The following PNKP variants were observed in gnomAD, a reference collection of about 807,000 sequenced individuals.
PNKP encodes the protein bifunctional polynucleotide phosphatase/kinase.
PNKP carries 82 observed loss-of-function variants against 66.2 expected under a neutral mutation model. The observed-to-expected ratio is 1.24, with a 90% CI of 1.04 to 1.49. PNKP has a LOEUF of 1.49. Among genes scored for constraint, PNKP ranks in the 40% most tolerant of loss-of-function variants. The probability of loss-of-function intolerance (pLI) is 0.00; values close to 1 mark genes in which losing one functional copy is unlikely to be tolerated. For synonymous variants in PNKP, 412 were observed against 298.9 expected (o/e 1.38, Z -3.90); for missense variants, 907 against 706.8 (o/e 1.28, Z -3.21).
intron 6 of PNKP, 42 bp downstream of exon 6, chr19:49,864,137 C>T (rs368556374): frequency 2.4e-5 from 38 of 1,611,978 alleles, no homozygotes; most frequent in Admixed American, 8.3e-5. Context: ...GCGGTCGGAC[C>T]GCCACGTGCA....
At position 49,867,168 on chromosome 19, in the gene PNKP, C is replaced by A; in HGVS notation, c.37G>T (p.Glu13Ter). 2 of 1,575,426 alleles carry A rather than the reference C, an allele frequency of 1.3e-6. No homozygotes were observed. Among genetic ancestry groups the A allele is most frequent in the Non-Finnish European group, 1.7e-6 (2 of 1,165,784 alleles). ...GGGGGCGCTCCCCCAGGGGGGCTCT[C>A]GAGCCACAAGCGGCCCGGGGCCTCC... ...EVEAPGRLWL[E>*]SPPGGAPPIF... The change falls in exon 2 of 17, where the codon GAG becomes TAG. Residue 13 changes from glutamate (E) to a stop codon, truncating the protein, a stop_gained. Transcript: ENST00000322344. LOFTEE classifies it high-confidence loss of function.
chr19:49,867,415 T>C, intron 1 of PNKP, 54 bp downstream of exon 1: 1 of 612,982 alleles, frequency 1.6e-6, no homozygotes, highest in South Asian at 1.9e-5. Flanking sequence ...ATCCCCACTT[T>C]CCAGCGTACA....
At chr19:49,863,549 A>G in intron 8 of PNKP, 140 bp downstream of exon 8, 1 of 677,152 alleles carries the variant, frequency 1.5e-6, no homozygotes, top group South Asian at 1.6e-5. Context: ...ACCAACATCT[A>G]AGATGTCACA....
rs1477525034 is a variant in PNKP, at chr19:49,861,841, TCA to T, written c.1227_1228del (p.Cys409Ter). 6.3e-7 allele frequency: 1 copy of T among 1,592,794 alleles called. No homozygotes were observed. The highest frequency in any genetic ancestry group is 1.1e-5 in the South Asian group (1 of 88,958). ...CCGTTTCCCTTGCTTCAGGGCTGTC[TCA>T]CACGTGGTCACACAGCGCTGCCAGG... On this transcript the variant is annotated stop_gained and frameshift_variant, in exon 14 of 17. Transcript: ENST00000322344. LOFTEE classifies it high-confidence loss of function.
rs60279874 is a variant in PNKP at position 49,861,332 on chromosome 19, G to T, written c.1482C>A (p.Gly494=). The T allele has an allele frequency of 2.5e-6, 4 of 1,614,172 alleles. No individual in the cohort carries two copies. Among genetic ancestry groups the T allele is most frequent in the Non-Finnish European group, 3.4e-6 (4 of 1,180,004 alleles). ...KQFEAPTLAE[G]FSAILEIPFR... Reference sequence around the variant, plus strand: ...ACGGGATCTCCAGGATGGCAGAGAAGCCTTCAGCCAGCGTTGGGGCCTCGA... The same window carrying T: ...ACGGGATCTCCAGGATGGCAGAGAATCCTTCAGCCAGCGTTGGGGCCTCGA... The change falls in exon 17 of 17, where the codon GGC becomes GGA. Residue 494 remains glycine (G), a synonymous_variant. Transcript: ENST00000322344.
rs964341783 is a variant in PNKP at position 49,861,754 on chromosome 19, G to A, written c.1298+18C>T. ...CCCACCCCGCCGCAGGCCACCTACG[G>A]CCCCGCGGTCACGCTACCTGGCGCG... On this transcript the variant is annotated intron_variant, in intron 14 of 16. Coordinates refer to ENST00000322344, the MANE Select transcript of PNKP (RefSeq NM_007254.4). The A allele has an allele frequency of 3.3e-5, 52 of 1,559,286 alleles. No homozygotes were observed. Among genetic ancestry groups the A allele is most frequent in the Non-Finnish European group, 4.3e-5 (49 of 1,152,624 alleles).
rs1278449939 is a variant in PNKP at position 49,867,191 on chromosome 19, T to C, written c.14A>G (p.Glu5Gly). The change falls in exon 2 of 17, where the codon GAG becomes GGG. Residue 5 changes from glutamate (E) to glycine (G), a missense_variant. By Grantham distance (98) the Glu-to-Gly change is moderately conservative. Coordinates refer to ENST00000322344, the MANE Select transcript of PNKP (RefSeq NM_007254.4). ...CTCGAGCCACAAGCGGCCCGGGGCC[T>C]CCACCTCGCCCATCCTGGGTGCCGG... is the stretch of plus-strand genomic sequence containing the variant. MGEV[E>G]APGRLWLESP... 5 of 1,611,180 alleles carry C rather than the reference T, an allele frequency of 3.1e-6. No homozygotes were observed. Among genetic ancestry groups the C allele is most frequent in the Middle Eastern group, 1.7e-4 (1 of 5,906 alleles).
At chr19:49,866,708 G>A (rs2074823293) in intron 2 of PNKP, 4 of 610,292 alleles carry the variant, frequency 6.6e-6, no homozygotes, top group South Asian at 5.7e-5. Flanking sequence ...ATATAGGTCC[G>A]GGGCTTGGCC....
chr19:49,866,765 A>T, intron 2 of PNKP: 2 of 593,098 alleles, frequency 3.4e-6, no homozygotes, highest in East Asian at 5.6e-5. Flanking sequence ...TCTCCACAGG[A>T]TCATTTTTCT....
rs2074758426 is a variant in PNKP, at chr19:49,861,498, T to A, written c.1399A>T (p.Thr467Ser). 1.2e-6 allele frequency: 2 copies of A among 1,600,586 alleles called. No homozygotes were observed. The highest frequency in any genetic ancestry group is 1.7e-6 in the Non-Finnish European group (2 of 1,172,918). ...ARHNNRFREMTDSSHIPVSDM... is the reference protein window; with the variant it reads ...ARHNNRFREMSDSSHIPVSDM... Reference sequence around the variant, plus strand: ...GACACGGGGATATGAGAGGAGTCCGTCATCTCTCGAAACTGTGGGGAACAT... The same window carrying A: ...GACACGGGGATATGAGAGGAGTCCGACATCTCTCGAAACTGTGGGGAACAT... The change falls in exon 16 of 17, where the codon ACG becomes TCG. Residue 467 changes from threonine (T) to serine (S), a missense_variant. Transcript: ENST00000322344.
Position 49,861,384 on chromosome 19 carries a change from G to T in PNKP, c.1449-19C>A, listed in dbSNP as rs772322533. On this transcript the variant is annotated intron_variant, in intron 16 of 16. Transcript: ENST00000322344. The stretch of plus-strand genomic sequence containing the variant: ...CTGCTTCCTGGCAGTGGTGGGAACA[G>T]TGAGGGACAGCCTGGATCATGTGGC... 4.8e-5 allele frequency: 78 copies of T among 1,613,806 alleles called. No individual in the cohort carries two copies. In the Admixed American group the frequency reaches 5.2e-4, roughly 11 times the overall value.
chr19:49,863,344 C>G (rs1305135106), intron 8 of PNKP, among the ~76,000 whole-genome samples: 1 of 152,242 alleles, frequency 6.6e-6, no homozygotes, highest in Non-Finnish European at 1.5e-5. Context: ...TTTTACACGC[C>G]AGTCTGCCCA....
Position 49,861,265 on chromosome 19 carries a change from G to A in PNKP, c.1549C>T (p.Gln517Ter), listed in dbSNP as rs774995635. The A allele has an allele frequency of 2.8e-5, 45 of 1,608,076 alleles. 1 individual carries two copies. The Admixed American group carries it at 7.2e-4, about 26-fold the overall frequency. The change falls in exon 17 of 17, where the codon CAG (glutamine) becomes TAG (stop). Residue 517 changes from glutamine (Q) to a stop codon, truncating the protein, a stop_gained. Transcript: ENST00000322344. LOFTEE classifies it high-confidence loss of function. ...VEPRLGRLYCQFSEG is the reference protein window; with the variant it reads ...VEPRLGRLYC ...GGCGGGGCTCAGCCCTCGGAGAACT[G>A]GCAGTACAGCCGCCCCAGCCTCGGC...
Position 49,865,136 on chromosome 19 carries a change from G to T in PNKP, c.489C>A (p.Pro163=), listed in dbSNP as rs1476235525. Residue 163 remains proline, a synonymous_variant, in exon 4 of 17, where the codon CCC becomes CCA. Coordinates refer to ENST00000322344, the MANE Select transcript of PNKP (RefSeq NM_007254.4). The part of the protein sequence containing the change: ...LLVFTAAGVK[P]QGKVAGFDLD... ...TCGGCGTGGCCCTCACCTTGCCCTG[G>T]GGTTTCACCCCAGCTGCGGTGAACA... 1 of 1,613,718 alleles carries T rather than the reference G, an allele frequency of 6.2e-7. No individual in the cohort carries two copies. The highest frequency in any genetic ancestry group is 8.5e-7 in the Non-Finnish European group (1 of 1,179,916).
Position 49,864,076 on chromosome 19 carries a change from G to A in PNKP, c.637-5C>T. The stretch of plus-strand genomic sequence containing the variant: ...CTGGTTGGTGAAGATCACCAGCTGG[G>A]GAGCAAAGGGTGTCACCAGACGCTC... On this transcript the variant is annotated splice_region_variant and splice_polypyrimidine_tract_variant and intron_variant, in intron 6 of 16. Coordinates refer to ENST00000322344, the MANE Select transcript of PNKP (RefSeq NM_007254.4). The A allele has an allele frequency of 6.2e-7, 1 of 1,613,266 alleles. No individual in the cohort carries two copies. The highest frequency in any genetic ancestry group is 8.5e-7 in the Non-Finnish European group (1 of 1,179,424).
Position 49,861,292 on chromosome 19 carries a change from C to G in PNKP, c.1522G>C (p.Glu508Gln). 1 of 1,613,942 alleles carries G rather than the reference C, an allele frequency of 6.2e-7. No individual in the cohort carries two copies. The highest frequency in any genetic ancestry group is 1.1e-5 in the South Asian group (1 of 91,080). ...CAGTACAGCCGCCCCAGCCTCGGCTCCACCCATAGCCGGAACGGGATCTCC... is the reference window on the plus strand; with the variant it reads ...CAGTACAGCCGCCCCAGCCTCGGCTGCACCCATAGCCGGAACGGGATCTCC... ...ILEIPFRLWV[E>Q]PRLGRLYCQF... The change falls in exon 17 of 17, where the codon GAG becomes CAG. Residue 508 changes from glutamate (E) to glutamine (Q), a missense_variant. Physicochemically the swap from Glu to Gln is conservative, Grantham distance 29. Transcript: ENST00000322344.
intron 4 of PNKP, among the ~76,000 whole-genome samples, chr19:49,864,743 T>C (rs1307968998): frequency 6.6e-6 from 1 of 152,156 alleles, no homozygotes; most frequent in African/African-American, 2.4e-5. Context: ...GAGCAAAGCT[T>C]TGGGTGCTAA....
chr19:49,862,404 T>C lies in PNKP; in HGVS notation c.996A>G (p.Pro332=). The change falls in exon 11 of 17, where the codon CCA becomes CCG. Residue 332 remains proline (P), a synonymous_variant. Coordinates refer to ENST00000322344, the MANE Select transcript of PNKP (RefSeq NM_007254.4). ...ATPEEFFLKW[P]AAGFELPAFD... The stretch of plus-strand genomic sequence containing the variant: ...AGGCTGGGAGCTCGAAGCCGGCTGC[T>C]GGCCACTTGAGAAAGAACTCCTCAG... 6 of 1,557,796 alleles carry C rather than the reference T, an allele frequency of 3.9e-6. No individual in the cohort carries two copies. The highest frequency in any genetic ancestry group is 2.4e-5 in the South Asian group (2 of 85,008).
Position 49,865,247 on chromosome 19 carries a change from G to C in PNKP, c.378C>G (p.Ser126=). ...GCTCAGCATCTCTCTTCTCATCTTG[G>C]GACACCAGAGGGGTGCCAGGCGGAG... ...PDTPPGTPLV[S]QDEKRDAELP... is the part of the protein sequence containing the mutation. Residue 126 remains serine, a synonymous_variant, in exon 4 of 17, where the codon TCC becomes TCG. Coordinates refer to ENST00000322344, the MANE Select transcript of PNKP (RefSeq NM_007254.4). 1 of 1,614,168 alleles carries C rather than the reference G, an allele frequency of 6.2e-7. No homozygotes were observed. The highest frequency in any genetic ancestry group is 1.1e-5 in the South Asian group (1 of 91,086).
Sources: allele counts gnomAD v4.1 joint callset (sites outside exome capture counted in the v4.1 genomes callset), GRCh38; gene constraint gnomAD v4.1.1; transcripts MANE v1.5; gene names NCBI Gene and HGNC (gene_info 2026-07-23, HGNC 2026-07-21).